Variants in PHF14 observed in about 807,000 individuals in gnomAD.
The protein encoded by PHF14 is PHD finger protein 14.
Under a neutral mutation model 117.9 loss-of-function variants are expected in PHF14, and 55 were observed. That is an observed-to-expected ratio of 0.47 (90% CI 0.38 to 0.58). The LOEUF (loss-of-function observed/expected upper bound fraction) is 0.58. Ranked by LOEUF, PHF14 falls within the 20% of genes least tolerant of loss-of-function variation. The pLI is 0.00. For missense variants in PHF14, 978 were observed against 1,122.2 expected, an observed-to-expected ratio of 0.87 and a Z score of 1.84; for synonymous variants, 409 against 368.6, an observed-to-expected ratio of 1.11 and a Z score of -1.26.
At chr7:11,137,361 C>T (rs561866770) in intron 17 of PHF14, among the ~76,000 whole-genome samples, 1 of 149,442 alleles carries the variant, frequency 6.7e-6, no homozygotes, top group East Asian at 2.0e-4. Context: ...TGTGTGACAG[C>T]TCTACACAAT....
rs927023158 is a variant in PHF14, at chr7:11,082,164, C to T, written c.2654+20079C>T. 5.9e-5 allele frequency among the ~76,000 whole-genome samples: 9 copies of T among 151,770 alleles called. No individual in the cohort carries two copies. In the South Asian group the frequency reaches 1.7e-3, roughly 28 times the overall value. ...TTAAAGAGTAGCCTAGGCAATGTAT[C>T]GAGACCTTGTCTCTAATAAAATTTT... On this transcript the variant is annotated intron_variant, in intron 16 of 17. Coordinates refer to ENST00000634607, the MANE Select transcript of PHF14 (RefSeq NM_001007157.2).
chr7:11,168,285 T>C (rs1252451912), intron 17 of PHF14, among the ~76,000 whole-genome samples: 1 of 152,202 alleles, frequency 6.6e-6, no homozygotes, highest in African/African-American at 2.4e-5. Flanking sequence ...ATAATTTCTC[T>C]ACTTTCCCAG....
At chr7:11,065,137 C>T (rs1329010865) in intron 16 of PHF14, among the ~76,000 whole-genome samples, 1 of 152,048 alleles carries the variant, frequency 6.6e-6, no homozygotes, top group Non-Finnish European at 1.5e-5. Flanking sequence ...TGAAGGTTTA[C>T]AGCATCTCAG....
chr7:11,033,742 C>G (rs915698233), intron 7 of PHF14, among the ~76,000 whole-genome samples: 4 of 152,126 alleles, frequency 2.6e-5, no homozygotes, highest in Non-Finnish European at 4.4e-5. Context: ...CAATTTCAAC[C>G]TCATTTACTT....
At chr7:11,053,327 T>G (rs1393064370) in intron 14 of PHF14, among the ~76,000 whole-genome samples, 1 of 152,100 alleles carries the variant, frequency 6.6e-6, no homozygotes, top group Non-Finnish European at 1.5e-5. Flanking sequence ...CTTAGATAAT[T>G]GAAACAGTTT....
At chr7:11,093,955 T>C (rs760871297) in intron 16 of PHF14, among the ~76,000 whole-genome samples, 39 of 152,152 alleles carry the variant, frequency 2.6e-4, no homozygotes, top group African/African-American at 9.2e-4. Flanking sequence ...TATGTTTTTT[T>C]CTCTTCACAG....
At position 10,982,747 on chromosome 7, in the gene PHF14, C is replaced by T; in HGVS notation, c.488C>T (p.Ser163Phe). Residue 163 changes from serine to phenylalanine, a missense_variant, in exon 3 of 18, where the codon TCC (serine) becomes TTC (phenylalanine). Ser to Phe is a radical substitution (Grantham distance 155). Coordinates refer to ENST00000634607, the MANE Select transcript of PHF14 (RefSeq NM_001007157.2). Reference sequence around the variant, plus strand: ...ACAAGTCCTCCTGCTGTTAACACATCCCCTTCTGTTCCCACTACGACAACC... The same window carrying T: ...ACAAGTCCTCCTGCTGTTAACACATTCCCTTCTGTTCCCACTACGACAACC... ...PATSPPAVNTSPSVPTTTTAT... is the reference protein window; with the variant it reads ...PATSPPAVNTFPSVPTTTTAT... 1 of 1,613,790 alleles carries T rather than the reference C, an allele frequency of 6.2e-7. No individual in the cohort carries two copies. Among genetic ancestry groups the T allele is most frequent in the South Asian group, 1.1e-5 (1 of 91,062 alleles).
chr7:11,074,357 C>T (rs1785745783), intron 16 of PHF14, among the ~76,000 whole-genome samples: 1 of 151,848 alleles, frequency 6.6e-6, no homozygotes, highest in African/African-American at 2.4e-5. Context: ...ACTACAGGCG[C>T]CTGCCACCAC....
chr7:10,988,483 T>C (rs763719219), intron 3 of PHF14, among the ~76,000 whole-genome samples: 1 of 151,718 alleles, frequency 6.6e-6, no homozygotes, highest in Non-Finnish European at 1.5e-5. Context: ...TAAAGACATG[T>C]AGCATCCTAA....
At chr7:11,150,048 T>C (rs1455457691) in intron 17 of PHF14, among the ~76,000 whole-genome samples, 3 of 152,124 alleles carry the variant, frequency 2.0e-5, no homozygotes, top group Non-Finnish European at 4.4e-5. Flanking sequence ...AATATATACA[T>C]GTAATGTTGA....
intron 17 of PHF14, among the ~76,000 whole-genome samples, chr7:11,160,767 T>A (rs763780081): frequency 2.6e-5 from 4 of 152,216 alleles, no homozygotes; most frequent in Non-Finnish European, 5.9e-5. Context: ...TTGAGTCATT[T>A]GTTTTTTGCT....
chr7:11,078,507 A>G (rs1258287129), intron 16 of PHF14, among the ~76,000 whole-genome samples: 2 of 152,154 alleles, frequency 1.3e-5, no homozygotes, highest in East Asian at 1.9e-4. Context: ...AGAATGAGCA[A>G]TGCATTAGAT....
rs898264380 is a variant in PHF14 at position 10,985,773 on chromosome 7, C to A, written c.900+2614C>A. Among the ~76,000 whole-genome samples, 5 of 146,068 alleles carry A rather than the reference C, an allele frequency of 3.4e-5. No individual in the cohort carries two copies. In the Admixed American group the frequency reaches 3.6e-4, roughly 10 times the overall value. ...GTTCAAGCAATTCTTCTGCCTCAGT[C>A]TCCCAAGTAGCTGGGACTACAGGTG... On this transcript the variant is annotated intron_variant, in intron 3 of 17. Coordinates refer to ENST00000634607, the MANE Select transcript of PHF14 (RefSeq NM_001007157.2).
At position 11,076,507 on chromosome 7, in the gene PHF14, G is replaced by A. The variant is rs182292131; in HGVS notation, c.2654+14422G>A. Among the ~76,000 whole-genome samples, 72 of 150,640 alleles carry A rather than the reference G, an allele frequency of 4.8e-4. 1 individual carries two copies. In the East Asian group the frequency reaches 0.012, roughly 25 times the overall value. ...TATTTTATTTTGAATGAAGACCATC[G>A]CACAGATTGGGAACTGAATCTTCTT... On this transcript the variant is annotated intron_variant, in intron 16 of 17. Transcript: ENST00000634607.
At chr7:10,988,464 C>G (rs1782319855) in intron 3 of PHF14, among the ~76,000 whole-genome samples, 1 of 151,394 alleles carries the variant, frequency 6.6e-6, no homozygotes, top group South Asian at 2.1e-4. Flanking sequence ...GAAATTACCA[C>G]ACAGTCCATA....
intron 4 of PHF14, among the ~76,000 whole-genome samples, chr7:10,993,799 A>G (rs1782540749): frequency 6.6e-6 from 1 of 151,672 alleles, no homozygotes; most frequent in Non-Finnish European, 1.5e-5. Flanking sequence ...ACCTGAGGTC[A>G]GGAGTTTGAT....
chr7:10,993,068 C>T (rs1782518267), intron 4 of PHF14, among the ~76,000 whole-genome samples: 1 of 152,244 alleles, frequency 6.6e-6, no homozygotes, highest in African/African-American at 2.4e-5. Context: ...TTTATTTGTG[C>T]AGTTACTGGT....
chr7:11,021,632 A>G (rs1783740029), intron 5 of PHF14, among the ~76,000 whole-genome samples: 1 of 152,146 alleles, frequency 6.6e-6, no homozygotes. Flanking sequence ...GCGACATTTA[A>G]TACATCAGTG....
intron 17 of PHF14, among the ~76,000 whole-genome samples, chr7:11,158,425 G>T (rs1246683039): frequency 6.6e-6 from 1 of 152,204 alleles, no homozygotes; most frequent in South Asian, 2.1e-4. Context: ...CAGAGCAGGG[G>T]AACATGATGT....
Sources: gnomAD v4.1 joint callset for allele counts (sites outside exome capture counted in the v4.1 genomes callset) on GRCh38, gnomAD v4.1.1 for gene constraint, MANE v1.5 for transcripts, NCBI Gene and HGNC (gene_info 2026-07-23, HGNC 2026-07-21) for gene names.